FKTN: variants seen among roughly 807,000 people sequenced by gnomAD.
FKTN encodes the protein fukutin.
FKTN carries 47 observed loss-of-function variants against 58.6 expected under a neutral mutation model. The observed-to-expected ratio is 0.80, with a 90% CI of 0.63 to 1.02. The LOEUF is 1.02. Among genes scored for constraint, FKTN ranks in the 50% least tolerant of loss-of-function variants. The probability of loss-of-function intolerance (pLI) is 0.00; values close to 1 mark genes in which losing one functional copy is unlikely to be tolerated. For missense variants in FKTN, 516 were observed against 537.3 expected, an observed-to-expected ratio of 0.96 and a Z score of 0.39; for synonymous variants, 178 against 191.9, an observed-to-expected ratio of 0.93 and a Z score of 0.60.
intron 1 of FKTN, among the ~76,000 whole-genome samples, chr9:105,570,916 G>T (rs1304951449): frequency 1.3e-5 from 2 of 152,142 alleles, no homozygotes; most frequent in African/African-American, 2.4e-5. Context: ...CAAAAACACA[G>T]AGGCAGGAAA....
At chr9:105,608,363 AT>A (rs563348243) in intron 7 of FKTN, among the ~76,000 whole-genome samples, 4 of 151,930 alleles carry the variant, frequency 2.6e-5, no homozygotes, top group African/African-American at 7.3e-5. Context: ...ATTGAATATA[AT>A]TTTTTTTGCA....
At chr9:105,589,029 C>G (rs2132411536) in intron 3 of FKTN, among the ~76,000 whole-genome samples, 1 of 152,288 alleles carries the variant, frequency 6.6e-6, no homozygotes, top group African/African-American at 2.4e-5. Context: ...GCCACTGTAG[C>G]TGCCACTGAG....
At chr9:105,611,114 A>G (rs905945657) in intron 7 of FKTN, among the ~76,000 whole-genome samples, 1 of 151,024 alleles carries the variant, frequency 6.6e-6, no homozygotes, top group Non-Finnish European at 1.5e-5. Context: ...CAAATTTCTG[A>G]GCCTTGGTTT....
chr9:105,582,002 G>A (rs1331051402), intron 3 of FKTN, among the ~76,000 whole-genome samples: 1 of 152,120 alleles, frequency 6.6e-6, no homozygotes, highest in African/African-American at 2.4e-5. Flanking sequence ...CCCAGGTGAG[G>A]CAATGCCTCG....
Position 105,637,065 on chromosome 9 carries a change from G to A in FKTN, c.*1801G>A. 1.0e-6 allele frequency: 1 copy of A among 988,090 alleles called. No homozygotes were observed. Among genetic ancestry groups the A allele is most frequent in the Non-Finnish European group, 1.2e-6 (1 of 830,208 alleles). The allele number at this position is 988,090 out of a possible 1,614,324, so 61.2% of individuals were successfully genotyped here. On this transcript the variant is annotated 3_prime_UTR_variant, in exon 11 of 11. Coordinates refer to ENST00000357998, the MANE Select transcript of FKTN (RefSeq NM_001079802.2). The stretch of plus-strand genomic sequence containing the variant: ...TTGCTAGAAAATCAGCCCATAGAGT[G>A]CATTCCCAAATTCTAAATAGCTGAC...
chr9:105,607,545 A>T (rs1248134523), intron 6 of FKTN, among the ~76,000 whole-genome samples: 1 of 151,976 alleles, frequency 6.6e-6, no homozygotes, highest in East Asian at 1.9e-4. Flanking sequence ...CTAATGTTTG[A>T]TATTTGTAAG....
chr9:105,627,474 T>C (rs558071069), intron 10 of FKTN, among the ~76,000 whole-genome samples: 123 of 152,356 alleles, frequency 8.1e-4, no homozygotes, highest in Middle Eastern at 6.8e-3. Flanking sequence ...ATTTAGACTC[T>C]ATACTTTATT....
At chr9:105,610,762 TC>T (rs1389040549) in intron 7 of FKTN, among the ~76,000 whole-genome samples, 1 of 151,990 alleles carries the variant, frequency 6.6e-6, no homozygotes, top group Non-Finnish European at 1.5e-5. Flanking sequence ...CTGCCTAGGC[TC>T]TGATACCCCG....
chr9:105,583,561 A>T (rs1289940395), intron 3 of FKTN, among the ~76,000 whole-genome samples: 1 of 151,916 alleles, frequency 6.6e-6, no homozygotes, highest in Non-Finnish European at 1.5e-5. Context: ...GTTCCTGATG[A>T]TGTTGTCTTT....
intron 3 of FKTN, among the ~76,000 whole-genome samples, chr9:105,576,014 A>C (rs890158329): frequency 9.9e-5 from 15 of 152,154 alleles, no homozygotes; most frequent in South Asian, 8.3e-4. Flanking sequence ...ATAGCTGCCC[A>C]GCTGACTCAC....
At chr9:105,582,392 C>T (rs1006060965) in intron 3 of FKTN, among the ~76,000 whole-genome samples, 10 of 152,150 alleles carry the variant, frequency 6.6e-5, no homozygotes, top group African/African-American at 1.4e-4. Flanking sequence ...GACGGGGTCT[C>T]GCTGTGTTGC....
intron 8 of FKTN, among the ~76,000 whole-genome samples, chr9:105,616,700 G>A (rs549875359): frequency 3.7e-4 from 57 of 152,110 alleles, no homozygotes; most frequent in Admixed American, 5.9e-4. Context: ...CCTTTATAGG[G>A]ATAGGGTTGC....
At chr9:105,576,303 G>A (rs1841688567) in intron 3 of FKTN, among the ~76,000 whole-genome samples, 1 of 152,024 alleles carries the variant, frequency 6.6e-6, no homozygotes, top group South Asian at 2.1e-4. Context: ...ATCTCCCAAT[G>A]CTATCCCTCC....
chr9:105,634,872 A>G (rs796180539), intron 10 of FKTN, among the ~76,000 whole-genome samples, 179 bp from the exon 11 acceptor site: 11 of 152,310 alleles, frequency 7.2e-5, no homozygotes, highest in African/African-American at 2.6e-4. Flanking sequence ...GGAACAGGAA[A>G]GGAAAATTGG....
intron 4 of FKTN, among the ~76,000 whole-genome samples, chr9:105,599,959 GT>G (rs928036298): frequency 0.019 from 2,797 of 146,698 alleles, 78 homozygotes; most frequent in African/African-American, 0.065. Flanking sequence ...TTTGAGGGCA[GT>G]TTTTTTTTTT....
intron 1 of FKTN, among the ~76,000 whole-genome samples, chr9:105,564,061 A>G (rs1180426179): frequency 6.6e-6 from 1 of 152,066 alleles, no homozygotes; most frequent in African/African-American, 2.4e-5. Flanking sequence ...ACCTCCAGCA[A>G]ACTCCAACAG....
chr9:105,626,344 C>T (rs1832732912), intron 10 of FKTN, among the ~76,000 whole-genome samples: 1 of 152,208 alleles, frequency 6.6e-6, no homozygotes, highest in Non-Finnish European at 1.5e-5. Context: ...AAGGTACCAG[C>T]ATGGTCAGGT....
intron 5 of FKTN, among the ~76,000 whole-genome samples, chr9:105,601,946 T>C (rs1268265297): frequency 1.3e-5 from 2 of 152,194 alleles, no homozygotes; most frequent in African/African-American, 4.8e-5. Flanking sequence ...GGAAATGATA[T>C]GTATTGCTGT....
chr9:105,612,048 G>GTT (rs1025090260), intron 7 of FKTN, among the ~76,000 whole-genome samples: 1 of 148,850 alleles, frequency 6.7e-6, no homozygotes, highest in African/African-American at 2.5e-5. Context: ...TATTTTATTA[G>GTT]TTTTTTTTTA....
Sources: allele counts gnomAD v4.1 joint callset (sites outside exome capture counted in the v4.1 genomes callset), GRCh38; gene constraint gnomAD v4.1.1; transcripts MANE v1.5; gene names NCBI Gene and HGNC (gene_info 2026-07-23, HGNC 2026-07-21).